MKKS: variants seen among roughly 807,000 people sequenced by gnomAD.
The protein encoded by MKKS is molecular chaperone MKKS.
A neutral mutation model predicts 33.2 loss-of-function variants in MKKS; 29 were observed. The ratio of observed to expected loss-of-function variants is 0.87; its 90% CI spans 0.65 to 1.19. MKKS has a LOEUF of 1.19. Ranked by LOEUF, MKKS falls within the 50% of genes most tolerant of loss-of-function variation. The pLI, the probability that MKKS is intolerant of heterozygous loss-of-function variation, is 0.00. For missense variants in MKKS, 661 were observed against 662.3 expected, an observed-to-expected ratio of 1.00 and a Z score of 0.02; for synonymous variants, 260 against 244.0, an observed-to-expected ratio of 1.07 and a Z score of -0.61.
chr20:10,408,389 G>C (rs1029384233), intron 4 of MKKS, among the ~76,000 whole-genome samples: 2 of 152,118 alleles, frequency 1.3e-5, no homozygotes, highest in Non-Finnish European at 2.9e-5. Context: ...AGAAAAGTTC[G>C]CATGTCAAGG....
rs116962618 is a variant in MKKS, at chr20:10,432,481, T to C, written c.-649+1627A>G. On this transcript the variant is annotated intron_variant, in intron 1 of 5. Transcript: ENST00000347364. Reference sequence around the variant, plus strand: ...ATGATGGATACCCAAATCCAGATGCTCAGGTCCCTGATTTAAAAATTGTGT... The same window carrying C: ...ATGATGGATACCCAAATCCAGATGCCCAGGTCCCTGATTTAAAAATTGTGT... Among the ~76,000 whole-genome samples the C allele has an allele frequency of 8.4e-3, 1,273 of 152,200 alleles. 7 individuals carry two copies. The highest frequency in any genetic ancestry group is 0.013 in the Non-Finnish European group (917 of 68,000).
intron 1 of MKKS, among the ~76,000 whole-genome samples, chr20:10,422,972 A>G (rs2064991983): frequency 6.6e-6 from 1 of 152,030 alleles, no homozygotes; most frequent in Non-Finnish European, 1.5e-5. Flanking sequence ...CGGCCTCCCA[A>G]AGTGCTGGGA....
chr20:10,415,802 C>T (rs1455343189), intron 2 of MKKS, among the ~76,000 whole-genome samples: 1 of 152,204 alleles, frequency 6.6e-6, no homozygotes, highest in East Asian at 1.9e-4. Flanking sequence ...GCCATGTTGG[C>T]ACCTCTGTCA....
At chr20:10,405,865 C>T (rs1454224375) in intron 5 of MKKS, among the ~76,000 whole-genome samples, 178 bp from the exon 6 acceptor site, 1 of 152,118 alleles carries the variant, frequency 6.6e-6, no homozygotes. Flanking sequence ...GTTGCAAACC[C>T]TTAACTAGGT....
At chr20:10,428,181 T>C (rs1444097186) in intron 1 of MKKS, among the ~76,000 whole-genome samples, 1 of 152,228 alleles carries the variant, frequency 6.6e-6, no homozygotes, top group Non-Finnish European at 1.5e-5. Flanking sequence ...TTTATCACAA[T>C]GGTTGTAGTG....
At chr20:10,408,842 A>C in intron 3 of MKKS, 39 bp from the exon 4 acceptor site, 1 of 1,498,166 alleles carries the variant, frequency 6.7e-7, no homozygotes, top group Non-Finnish European at 9.3e-7. Context: ...TTGTATAAGC[A>C]AAAGTGGAGC....
rs536480955 is a variant in MKKS at position 10,415,056 on chromosome 20, T to C, written c.-417-1125A>G. On this transcript the variant is annotated intron_variant, in intron 2 of 5. Transcript: ENST00000347364. The stretch of plus-strand genomic sequence containing the variant: ...AAATGTTATATATCAAAAGGACATG[T>C]AGAAATACAATTCTAGTTTCCTTAA... 1.4e-4 allele frequency among the ~76,000 whole-genome samples: 21 copies of C among 152,322 alleles called. No homozygotes were observed. The South Asian group carries it at 4.3e-3, about 32-fold the overall frequency.
intron 1 of MKKS, among the ~76,000 whole-genome samples, chr20:10,427,966 C>T (rs1234905532): frequency 1.3e-5 from 2 of 152,154 alleles, no homozygotes; most frequent in East Asian, 1.9e-4. Context: ...GTCAGAAGGC[C>T]GAAACAGGTA....
intron 2 of MKKS, among the ~76,000 whole-genome samples, chr20:10,417,010 C>G (rs972858744): frequency 1.3e-5 from 2 of 152,030 alleles, no homozygotes; most frequent in Non-Finnish European, 1.5e-5. Context: ...TAGGTTACAG[C>G]AATGATAATG....
chr20:10,425,362 C>T (rs2065008963), intron 1 of MKKS, among the ~76,000 whole-genome samples: 1 of 152,156 alleles, frequency 6.6e-6, no homozygotes, highest in African/African-American at 2.4e-5. Context: ...GCAAAATATG[C>T]TATGGCAATA....
rs1393180298 is a variant in MKKS at position 10,403,525 on chromosome 20, A to G, written c.*1722T>C. ...ATCACCCCAGGCTTCCTCAGGAGGT[A>G]GTTCTTTAAGTACAGTTCCTGGAAC... On this transcript the variant is annotated 3_prime_UTR_variant, in exon 6 of 6. Transcript: ENST00000347364. 6.6e-6 allele frequency: 1 copy of G among 152,204 alleles called. No individual in the cohort carries two copies. The highest frequency in any genetic ancestry group is 1.5e-5 in the Non-Finnish European group (1 of 68,044). 9.4% of individuals were successfully genotyped at this position (152,204 alleles called of 1,614,324 possible).
rs1329917208 is a variant in MKKS, at chr20:10,424,087, G to A, written c.-648-3329C>T. Among the ~76,000 whole-genome samples the A allele has an allele frequency of 2.6e-5, 4 of 152,096 alleles. No individual in the cohort carries two copies. In the East Asian group the frequency reaches 5.8e-4, roughly 22 times the overall value. ...GGATCAGTATGGAAGGGCTTTTCAC[G>A]TTACAAACTATTTTTAGAGTTTTCA... On this transcript the variant is annotated intron_variant, in intron 1 of 5. Coordinates refer to ENST00000347364, the MANE Select transcript of MKKS (RefSeq NM_170784.3).
At chr20:10,423,738 T>C (rs2064996714) in intron 1 of MKKS, among the ~76,000 whole-genome samples, 2 of 152,226 alleles carry the variant, frequency 1.3e-5, no homozygotes, top group African/African-American at 4.8e-5. Flanking sequence ...AACAGTCTAT[T>C]ACTCTTTCCA....
At chr20:10,410,864 T>A (rs1012194543) in intron 3 of MKKS, among the ~76,000 whole-genome samples, 1 of 152,162 alleles carries the variant, frequency 6.6e-6, no homozygotes, top group Non-Finnish European at 1.5e-5. Flanking sequence ...TCTTTTTTTC[T>A]CAAAAGCTCT....
In MKKS at chr20:10,413,317, G is replaced by A; in HGVS notation, c.198C>T (p.His66=). The A allele has an allele frequency of 1.9e-6, 3 of 1,614,176 alleles. No homozygotes were observed. The highest frequency in any genetic ancestry group is 1.1e-5 in the South Asian group (1 of 91,082). ...TTAAAATGGGATGTGTGACCAAAAGGTGACTGAGCAGAGCTGAGGACTGTG... is the reference window on the plus strand; with the variant it reads ...TTAAAATGGGATGTGTGACCAAAAGATGACTGAGCAGAGCTGAGGACTGTG... The part of the protein sequence containing the change: ...TTSQSSALLS[H]LLVTHPILKI... Residue 66 remains histidine, a synonymous_variant, in exon 3 of 6, where the codon CAC becomes CAT. Transcript: ENST00000347364.
At chr20:10,432,496 A>G (rs1486436831) in intron 1 of MKKS, among the ~76,000 whole-genome samples, 1 of 152,164 alleles carries the variant, frequency 6.6e-6, no homozygotes, top group Non-Finnish European at 1.5e-5. Flanking sequence ...TCCCTGATTT[A>G]AAAATTGTGT....
In MKKS at chr20:10,405,445, C is replaced by T. The variant is rs1243429283; in HGVS notation, c.1515G>A (p.Gln505=). ...TTAAGAAAGACCAGTTGAGTTCTTC[C>T]TGGCTATTGTATAATCCACAGCCAC... ...SQCGCGLYNS[Q]EELNWSFLRS... The change falls in exon 6 of 6, where the codon CAG becomes CAA. Residue 505 remains glutamine (Q), a synonymous_variant. Coordinates refer to ENST00000347364, the MANE Select transcript of MKKS (RefSeq NM_170784.3). The T allele has an allele frequency of 1.9e-6, 3 of 1,614,076 alleles. No individual in the cohort carries two copies. Among genetic ancestry groups the T allele is most frequent in the African/African-American group, 1.3e-5 (1 of 74,932 alleles).
intron 1 of MKKS, among the ~76,000 whole-genome samples, chr20:10,424,837 A>C (rs1213937541): frequency 1.3e-5 from 2 of 152,132 alleles, no homozygotes; most frequent in Non-Finnish European, 2.9e-5. Context: ...GGATCACCTG[A>C]GGTCAGGAGT....
rs1211716739 is a variant in MKKS, at chr20:10,403,131, A to G, written c.*2116T>C. On this transcript the variant is annotated 3_prime_UTR_variant, in exon 6 of 6. Transcript: ENST00000347364. ...AGTTCCTTTTGAGCTGTTGGCTAGA[A>G]GCCTCCCTCAACCCTTGCTATGTGG... is the stretch of plus-strand genomic sequence containing the variant. 1 of 152,196 alleles carries G rather than the reference A, an allele frequency of 6.6e-6. No homozygotes were observed. The highest frequency in any genetic ancestry group is 6.5e-5 in the Admixed American group (1 of 15,282). The allele number at this position is 152,196 out of a possible 1,614,324, so 9.4% of individuals were successfully genotyped here.
Sources: gnomAD v4.1 joint callset for allele counts (sites outside exome capture counted in the v4.1 genomes callset) on GRCh38, gnomAD v4.1.1 for gene constraint, MANE v1.5 for transcripts, NCBI Gene and HGNC (gene_info 2026-07-23, HGNC 2026-07-21) for gene names.